Variants in MECR observed in about 807,000 individuals in gnomAD.
The protein encoded by MECR is mitochondrial trans-2-enoyl-CoA reductase.
In MECR, 37 loss-of-function variants were observed where a neutral mutation model predicts 49.1. The observed-to-expected ratio is 0.75, with a 90% CI of 0.58 to 0.99. The LOEUF (loss-of-function observed/expected upper bound fraction) is 0.99, where lower values mean the gene tolerates loss of function less well. MECR is among the 50% of genes least tolerant of loss of function. The pLI is 0.00. For missense variants in MECR, 470 were observed against 479.6 expected (o/e 0.98, Z 0.19); for synonymous variants, 198 against 191.1 (o/e 1.04, Z -0.30).
the MECR span, among the ~76,000 whole-genome samples, chr1:29,180,465 A>G: frequency 1.3e-5 from 2 of 152,240 alleles, no homozygotes; most frequent in South Asian, 2.1e-4. Context: ...AACCCAAATC[A>G]TCATTTGAGA....
intron 1 of MECR, among the ~76,000 whole-genome samples, chr1:29,217,788 A>G (rs1257292801): frequency 2.6e-5 from 4 of 152,084 alleles, no homozygotes; most frequent in South Asian, 2.1e-4. Flanking sequence ...GGGAGAGGAG[A>G]TATTTCTGTT....
chr1:29,220,962 G>A (rs1409920610), intron 1 of MECR: 6 of 974,706 alleles, frequency 6.2e-6, no homozygotes, highest in African/African-American at 1.8e-5. Flanking sequence ...AGACAGCAAC[G>A]TTTTGGAAAA....
At chr1:29,223,769 T>C (rs1019582783) in intron 1 of MECR, among the ~76,000 whole-genome samples, 2 of 152,168 alleles carry the variant, frequency 1.3e-5, no homozygotes, top group Non-Finnish European at 2.9e-5. Flanking sequence ...TAATAATTAA[T>C]AAGCAGGGCA....
At chr1:29,216,720 T>A in intron 1 of MECR, 35 bp from the exon 2 acceptor site, 1 of 1,614,074 alleles carries the variant, frequency 6.2e-7, no homozygotes, top group Non-Finnish European at 8.5e-7. Context: ...GTTCATGTCA[T>A]CCAGGCTAGA....
intron 3 of MECR, among the ~76,000 whole-genome samples, chr1:29,215,277 T>G (rs938766101): frequency 1.3e-5 from 2 of 152,180 alleles, no homozygotes; most frequent in African/African-American, 4.8e-5. Context: ...TTGGCTCATC[T>G]CCATGTATAA....
At chr1:29,229,114 G>A (rs1269755268) in intron 1 of MECR, 5 of 151,916 alleles carry the variant, frequency 3.3e-5, no homozygotes, top group South Asian at 2.1e-4. Context: ...CATTCTTTTC[G>A]TTTCTATAAT....
chr1:29,216,069 C>T lies in MECR; in HGVS notation c.342G>A (p.Ala114=), dbSNP rs777279521. 70 of 1,613,958 alleles carry T rather than the reference C, an allele frequency of 4.3e-5. No individual in the cohort carries two copies. Among genetic ancestry groups the T allele is most frequent in the Admixed American group, 3.5e-4 (21 of 60,000 alleles). The change falls in exon 3 of 10, where the codon GCG becomes GCA. Residue 114 remains alanine, a synonymous_variant. Coordinates refer to ENST00000263702, the MANE Select transcript of MECR (RefSeq NM_016011.5). ...GGNEGVAQVV[A]VGSNVTGLKP... The stretch of plus-strand genomic sequence containing the variant: ...TCAGCCCGGTCACATTGCTGCCCAC[C>T]GCTACCACCTGTGCAACACCTTCGT...
intron 1 of MECR, among the ~76,000 whole-genome samples, chr1:29,225,603 AAAG>A (rs889368323): frequency 4.0e-4 from 61 of 152,226 alleles, no homozygotes; most frequent in African/African-American, 1.4e-3. Context: ...GTAAACTCTC[AAAG>A]AATACATGCT....
rs564804590 is a variant in MECR at position 29,193,481 on chromosome 1, G to A, written c.*541C>T. Reference sequence around the variant, plus strand: ...AGTTCCATGAGAGTGAAGACCCCACGTCCAAGTTCCTCAGGGCCCTGATGA... The same window carrying A: ...AGTTCCATGAGAGTGAAGACCCCACATCCAAGTTCCTCAGGGCCCTGATGA... On this transcript the variant is annotated 3_prime_UTR_variant, in exon 10 of 10. Transcript: ENST00000263702. 2 of 157,282 alleles carry A rather than the reference G, an allele frequency of 1.3e-5. No individual in the cohort carries two copies. The highest frequency in any genetic ancestry group is 2.4e-5 in the African/African-American group (1 of 41,576). 9.7% of individuals were successfully genotyped at this position (157,282 alleles called of 1,614,324 possible).
the MECR span, chr1:29,181,853 G>A: frequency 3.9e-6 from 4 of 1,019,348 alleles, no homozygotes; most frequent in Non-Finnish European, 2.6e-6. Context: ...GCAACGGGCG[G>A]GCGGCGGGAC....
intron 3 of MECR, among the ~76,000 whole-genome samples, chr1:29,213,852 T>A (rs573832255): frequency 6.6e-6 from 1 of 152,304 alleles, no homozygotes; most frequent in South Asian, 2.1e-4. Flanking sequence ...GTGGGAACAA[T>A]TGAGTTAATA....
At chr1:29,175,863 G>T in the MECR span, among the ~76,000 whole-genome samples, 2 of 151,934 alleles carry the variant, frequency 1.3e-5, no homozygotes, top group Admixed American at 6.6e-5. Context: ...AATTAATCCA[G>T]AACCAAATGT....
chr1:29,175,693 T>C, the MECR span, among the ~76,000 whole-genome samples: 1 of 2,508 alleles, frequency 4.0e-4, no homozygotes, highest in Non-Finnish European at 3.0e-3. Context: ...AGACGCTGTC[T>C]CAAAAAAAAA....
chr1:29,226,202 A>C (rs1682032496), intron 1 of MECR, among the ~76,000 whole-genome samples: 2 of 143,306 alleles, frequency 1.4e-5, no homozygotes, highest in African/African-American at 2.5e-5. Flanking sequence ...AAAAGACAGA[A>C]CGGGTATATG....
chr1:29,215,897 T>A lies in MECR; in HGVS notation c.406+108A>T, dbSNP rs1052325914. 1.1e-5 allele frequency: 14 copies of A among 1,304,506 alleles called. No individual in the cohort carries two copies. In the East Asian group the frequency reaches 1.2e-4, roughly 11 times the overall value. 80.8% of individuals were successfully genotyped at this position (1,304,506 alleles called of 1,614,324 possible). ...AAAATAAATAAATAAATAAAAAAAA[T>A]AAACCCTGCATTACCCAGGTACACT... On this transcript the variant is annotated intron_variant, in intron 3 of 9. Coordinates refer to ENST00000263702, the MANE Select transcript of MECR (RefSeq NM_016011.5).
chr1:29,222,764 A>G (rs1459297847), intron 1 of MECR, among the ~76,000 whole-genome samples: 2 of 152,154 alleles, frequency 1.3e-5, no homozygotes, highest in Admixed American at 6.5e-5. Context: ...TTGAAGCTGC[A>G]AACACAGGTG....
intron 8 of MECR, 27 bp downstream of exon 8, chr1:29,196,171 G>A (rs1171677686): frequency 6.2e-7 from 1 of 1,613,702 alleles, no homozygotes; most frequent in Non-Finnish European, 8.5e-7. Context: ...CCGGCTCCAG[G>A]CATGCCTCCC....
Position 29,200,531 on chromosome 1 carries a change from A to G in MECR, c.815T>C (p.Leu272Pro). The change falls in exon 7 of 10, where the codon CTG (leucine) becomes CCG (proline). Residue 272 changes from leucine to proline, a missense_variant. Coordinates refer to ENST00000263702, the MANE Select transcript of MECR (RefSeq NM_016011.5). The stretch of plus-strand genomic sequence containing the variant: ...AGGGACTTACGCTAACTGCCGCAGC[A>G]GCTCTGTGGAGCTTTTCCCACCAAC... ...NCVGGKSSTE[L>P]LRQLARGGTM... The G allele has an allele frequency of 6.2e-7, 1 of 1,613,672 alleles. No homozygotes were observed. Among genetic ancestry groups the G allele is most frequent in the Non-Finnish European group, 8.5e-7 (1 of 1,179,598 alleles).
downstream of MECR, among the ~76,000 whole-genome samples, chr1:29,188,644 T>C (rs1673070758): frequency 7.3e-6 from 1 of 137,086 alleles, no homozygotes; most frequent in Non-Finnish European, 1.7e-5. Flanking sequence ...TAATGCCTAT[T>C]TGTCTTTTTT....
Sources: allele counts gnomAD v4.1 joint callset (sites outside exome capture counted in the v4.1 genomes callset), GRCh38; gene constraint gnomAD v4.1.1; transcripts MANE v1.5; gene names NCBI Gene and HGNC (gene_info 2026-07-23, HGNC 2026-07-21).